Variants in FGL1 observed in about 807,000 individuals in gnomAD.
FGL1 encodes fibrinogen like 1.
In FGL1, 59 loss-of-function variants were observed where a neutral mutation model predicts 43.7. The ratio of observed to expected loss-of-function variants is 1.35; its 90% CI spans 1.10 to 1.68. The LOEUF is 1.68. FGL1 is among the 40% of genes most tolerant of loss of function. The pLI, the probability that FGL1 is intolerant of heterozygous loss-of-function variation, is 0.00. For missense variants in FGL1, 596 were observed against 373.0 expected (o/e 1.60, Z -4.92); for synonymous variants, 192 against 126.5 (o/e 1.52, Z -3.48).
At chr8:17,875,533 T>TTCTTTCTCTCTCTCTCTC (rs1208572003) in intron 3 of FGL1, among the ~76,000 whole-genome samples, 3 of 11,842 alleles carry the variant, frequency 2.5e-4, no homozygotes, top group Admixed American at 7.1e-4. Context: ...CTTTCTTTCT[T>TTCTTTCTCTCTCTCTCTC]TCTCTTTCTT....
At chr8:17,874,561 C>T in intron 3 of FGL1, 40 bp from the exon 4 acceptor site, 1 of 1,551,754 alleles carries the variant, frequency 6.4e-7, no homozygotes, top group South Asian at 1.2e-5. Flanking sequence ...CATTATGTGT[C>T]TTTTTCTCCC....
At chr8:17,867,398 A>G (rs547471740) in intron 7 of FGL1, among the ~76,000 whole-genome samples, 39 of 152,328 alleles carry the variant, frequency 2.6e-4, no homozygotes, top group African/African-American at 9.1e-4. Flanking sequence ...CTAGGGGGAA[A>G]AATCTTTTGG....
intron 1 of FGL1, 133 bp from the exon 2 acceptor site, chr8:17,885,704 T>G: frequency 1.5e-6 from 1 of 655,500 alleles, no homozygotes; most frequent in Non-Finnish European, 2.6e-6. Context: ...GCCGAGGAAA[T>G]TCTCCCAGAC....
rs140546645 is a variant in FGL1 at position 17,886,766 on chromosome 8, C to T, written c.-17-1195G>A. 3.6e-3 allele frequency among the ~76,000 whole-genome samples: 464 copies of T among 130,014 alleles called. 3 individuals carry two copies. The highest frequency in any genetic ancestry group is 0.012 in the African/African-American group (399 of 34,382). The allele number at this position is 130,014 out of a possible 152,430, so 85.3% of individuals were successfully genotyped here. On this transcript the variant is annotated intron_variant, in intron 1 of 7. Coordinates refer to ENST00000427924, the MANE Select transcript of FGL1 (RefSeq NM_004467.4). ...GAGTGAGTCCCTGTCTAGAAAGAAA[C>T]GAAATGAGAGGAGAAGAGAGGAGAG... is the stretch of plus-strand genomic sequence containing the variant.
chr8:17,875,543 T>TCTCTCTCTCTCTCTCTC (rs1563452419), intron 3 of FGL1, among the ~76,000 whole-genome samples: 3 of 16,856 alleles, frequency 1.8e-4, no homozygotes, highest in African/African-American at 5.0e-4. Context: ...TTCTCTTTCT[T>TCTCTCTCTCTCTCTCTC]TCTTTCTTTC....
chr8:17,864,714 C>G lies in FGL1; in HGVS notation c.817G>C (p.Gly273Arg), dbSNP rs368911782. The G allele has an allele frequency of 1.9e-6, 3 of 1,611,764 alleles. No homozygotes were observed. The South Asian group carries it at 3.3e-5, about 18-fold the overall frequency. Reference sequence around the variant, plus strand: ...TTGTCTGTTTTAGCCGTGTAGGGGCCGCTGTAGTATACACCATTCAGGTTT... The same window carrying G: ...TTGTCTGTTTTAGCCGTGTAGGGGCGGCTGTAGTATACACCATTCAGGTTT... The part of the protein sequence containing the change: ...SANLNGVYYS[G>R]PYTAKTDNGI... The change falls in exon 8 of 8, where the codon GGC becomes CGC. Residue 273 changes from glycine to arginine, a missense_variant. Transcript: ENST00000427924.
In FGL1 at chr8:17,874,402, C is replaced by A. The variant is rs533463660; in HGVS notation, c.364G>T (p.Val122Leu). The change falls in exon 4 of 8, where the codon GTA (valine) becomes TTA (leucine). Residue 122 changes from valine to leucine, a missense_variant. Physicochemically the swap from Val to Leu is conservative, Grantham distance 32 (BLOSUM62 1). Transcript: ENST00000427924. ...CTGCCATCAGATCGTCTCTGAATTA[C>A]AGTCCATCCTCCTCCATCGGACATG... Reference protein sequence around the residue: ...CDMSDGGGWTVIQRRSDGSEN... With the variant: ...CDMSDGGGWTLIQRRSDGSEN... 4.3e-6 allele frequency: 7 copies of A among 1,613,970 alleles called. No homozygotes were observed. In the Admixed American group the frequency reaches 1.0e-4, roughly 23 times the overall value.
rs752341406 is a variant in FGL1 at position 17,881,969 on chromosome 8, T to C, written c.244+30A>G. ...GTACATGGGTGCATAATGTAAGTTATAGAAACACTTAAGAAAAGTCCATTC... is the reference window on the plus strand; with the variant it reads ...GTACATGGGTGCATAATGTAAGTTACAGAAACACTTAAGAAAAGTCCATTC... On this transcript the variant is annotated intron_variant, in intron 3 of 7. Transcript: ENST00000427924. The C allele has an allele frequency of 1.0e-5, 16 of 1,600,248 alleles. No homozygotes were observed. The Admixed American group carries it at 1.5e-4, about 15-fold the overall frequency.
At chr8:17,870,531 G>A (rs1035715388) in intron 5 of FGL1, among the ~76,000 whole-genome samples, 1 of 152,170 alleles carries the variant, frequency 6.6e-6, no homozygotes, top group Non-Finnish European at 1.5e-5. Flanking sequence ...GGGAAAGAGA[G>A]TCCCTGAATA....
At chr8:17,895,199 T>A in intron 1 of FGL1, 1 of 783,294 alleles carries the variant, frequency 1.3e-6, no homozygotes, top group East Asian at 1.2e-4. Flanking sequence ...AATTTTCCAT[T>A]TTCCTCATTT....
intron 3 of FGL1, among the ~76,000 whole-genome samples, chr8:17,878,757 T>C (rs1563454597): frequency 1.3e-5 from 2 of 152,164 alleles, no homozygotes; most frequent in Non-Finnish European, 1.5e-5. Flanking sequence ...ACTAATTTAG[T>C]AATAATAAAG....
rs1369123448 is a variant in FGL1 at position 17,864,726 on chromosome 8, C to A, written c.805G>T (p.Val269Leu). ...NRCHSANLNG[V>L]YYSGPYTAKT... Reference sequence around the variant, plus strand: ...GCCGTGTAGGGGCCGCTGTAGTATACACCATTCAGGTTTGCAGAGTGACAC... The same window carrying A: ...GCCGTGTAGGGGCCGCTGTAGTATAAACCATTCAGGTTTGCAGAGTGACAC... Residue 269 changes from valine (V) to leucine (L), a missense_variant, in exon 8 of 8, where the codon GTA becomes TTA. Physicochemically the swap from Val to Leu is conservative, Grantham distance 32. Transcript: ENST00000427924. 6.3e-7 allele frequency: 1 copy of A among 1,585,156 alleles called. No homozygotes were observed. The highest frequency in any genetic ancestry group is 8.6e-7 in the Non-Finnish European group (1 of 1,169,262).
At chr8:17,865,552 T>C (rs1265791871) in intron 7 of FGL1, among the ~76,000 whole-genome samples, 1 of 152,222 alleles carries the variant, frequency 6.6e-6, no homozygotes, top group Non-Finnish European at 1.5e-5. Flanking sequence ...GTTGCTGAGT[T>C]AATTTTTTAC....
At position 17,868,706 on chromosome 8, in the gene FGL1, A is replaced by G. The variant is rs1335868511; in HGVS notation, c.621T>C (p.Tyr207=). The G allele has an allele frequency of 6.2e-7, 1 of 1,612,744 alleles. No homozygotes were observed. The highest frequency in any genetic ancestry group is 8.5e-7 in the Non-Finnish European group (1 of 1,179,504). The change falls in exon 7 of 8, where the codon TAT becomes TAC. Residue 207 remains tyrosine (Y), a synonymous_variant. Transcript: ENST00000427924. ...CAAGGGAATCTCCAGCTGTTCCAGA[A>G]TATTCCCCAATATTCAACTCGTAGA... ...KNFYELNIGE[Y]SGTAGDSLAG... is the part of the protein sequence containing the mutation.
intron 3 of FGL1, among the ~76,000 whole-genome samples, chr8:17,881,001 A>G (rs192911892): frequency 6.6e-6 from 1 of 152,018 alleles, no homozygotes; most frequent in East Asian, 1.9e-4. Flanking sequence ...CTGCTCCTTT[A>G]TTTTTTACCT....
At chr8:17,868,883 T>G (rs765741976) in intron 6 of FGL1, 33 bp downstream of exon 6, 1 of 1,525,232 alleles carries the variant, frequency 6.6e-7, no homozygotes, top group East Asian at 2.3e-5. Flanking sequence ...TAAGCATTTA[T>G]TCACGGTTTT....
intron 5 of FGL1, among the ~76,000 whole-genome samples, chr8:17,869,822 G>A (rs2053330156): frequency 6.6e-6 from 1 of 152,162 alleles, no homozygotes; most frequent in Admixed American, 6.5e-5. Flanking sequence ...TTTTAAGAAT[G>A]CAATGGGGCC....
intron 5 of FGL1, 125 bp from the exon 6 acceptor site, chr8:17,869,129 C>T (rs1482440718): frequency 8.6e-6 from 5 of 582,902 alleles, no homozygotes; most frequent in Non-Finnish European, 1.2e-5. Context: ...AATCAGTTTT[C>T]AAAGATTAAA....
At chr8:17,891,545 A>T (rs1190586710) in intron 1 of FGL1, 1 of 291,642 alleles carries the variant, frequency 3.4e-6, no homozygotes, top group Admixed American at 6.5e-5. Context: ...TACATGTACA[A>T]AGACCCTATT....
Sources: gnomAD v4.1 joint callset for allele counts (sites outside exome capture counted in the v4.1 genomes callset) on GRCh38, gnomAD v4.1.1 for gene constraint, MANE v1.5 for transcripts, NCBI Gene and HGNC (gene_info 2026-07-23, HGNC 2026-07-21) for gene names.